ADGRV1: variants seen among roughly 807,000 people sequenced by gnomAD.
ADGRV1 encodes G-protein coupled receptor 98.
A neutral mutation model predicts 596.2 loss-of-function variants in ADGRV1; 359 were observed. The observed-to-expected ratio is 0.60, with a 90% CI of 0.55 to 0.66. The LOEUF is 0.66. Among genes scored for constraint, ADGRV1 ranks in the 30% least tolerant of loss-of-function variants. ADGRV1 has a pLI of 0.00. For synonymous variants in ADGRV1, 2,681 were observed against 2,679.2 expected (o/e 1.00, Z -0.02); for missense variants, 7,274 against 7,575.6 (o/e 0.96, Z 1.48).
In ADGRV1 at chr5:90,805,359, G is replaced by A; in HGVS notation, c.14737G>A (p.Gly4913Ser). The part of the protein sequence containing the change: ...GTSHVMISRR[G>S]TYGALSVAWT... ...AAGCCACGTTATGATTTCTAGGAGA[G>A]GCACATATGGAGCTCTCTCGGTTGC... The change falls in exon 72 of 90, where the codon GGC (glycine) becomes AGC (serine). Residue 4913 changes from glycine (G) to serine (S), a missense_variant. This residue lies in a region of ADGRV1 where 1,874 missense variants were observed against 1,970.2 expected (regional missense o/e 0.95). Transcript: ENST00000405460. The A allele has an allele frequency of 6.2e-7, 1 of 1,612,478 alleles. No homozygotes were observed. The highest frequency in any genetic ancestry group is 8.5e-7 in the Non-Finnish European group (1 of 1,178,748).
intron 86 of ADGRV1, among the ~76,000 whole-genome samples, chr5:91,090,577 C>A (rs911969773): frequency 2.0e-5 from 3 of 151,618 alleles, no homozygotes; most frequent in Admixed American, 1.3e-4. Flanking sequence ...TCCTCTTTAA[C>A]CCTGGAAAAT....
chr5:90,973,166 C>T (rs1199831589), intron 84 of ADGRV1, among the ~76,000 whole-genome samples: 3 of 151,940 alleles, frequency 2.0e-5, no homozygotes, highest in Admixed American at 6.6e-5. Flanking sequence ...AAGTTGAATC[C>T]CTGAATAGAC....
intron 83 of ADGRV1, among the ~76,000 whole-genome samples, chr5:90,900,982 A>G (rs1366078585): frequency 1.3e-5 from 2 of 152,104 alleles, no homozygotes; most frequent in African/African-American, 2.4e-5. Context: ...TTTGTCCTGT[A>G]GAATTTTATT....
chr5:91,036,651 A>G (rs1400942923), intron 85 of ADGRV1, among the ~76,000 whole-genome samples: 1 of 151,902 alleles, frequency 6.6e-6, no homozygotes, highest in East Asian at 1.9e-4. Flanking sequence ...TGAGCCCAGG[A>G]GTTGGAGTCT....
intron 2 of ADGRV1, 56 bp downstream of exon 2, chr5:90,615,075 T>C (rs955280965): frequency 4.3e-6 from 5 of 1,149,464 alleles, no homozygotes; most frequent in Non-Finnish European, 5.9e-6. Context: ...TTTCTTAGTT[T>C]TAATGGCAAG....
intron 7 of ADGRV1, among the ~76,000 whole-genome samples, chr5:90,628,136 C>A (rs1243200269): frequency 6.6e-6 from 1 of 151,450 alleles, no homozygotes; most frequent in Non-Finnish European, 1.5e-5. Flanking sequence ...ACCTGTAATC[C>A]CAGCACTTTG....
At chr5:90,788,952 T>C (rs1190279974) in intron 68 of ADGRV1, among the ~76,000 whole-genome samples, 1 of 150,494 alleles carries the variant, frequency 6.6e-6, no homozygotes, top group Admixed American at 6.6e-5. Context: ...ACTCACATGA[T>C]TGTGAGGGCT....
intron 1 of ADGRV1, among the ~76,000 whole-genome samples, chr5:90,595,756 C>A (rs370922139): frequency 7.1e-5 from 10 of 141,016 alleles, no homozygotes; most frequent in East Asian, 2.3e-4. Flanking sequence ...GCGCCCCTCA[C>A]CTCCCGGACG....
At chr5:90,958,414 C>G (rs1396749201) in intron 83 of ADGRV1, among the ~76,000 whole-genome samples, 2 of 151,528 alleles carry the variant, frequency 1.3e-5, no homozygotes, top group Non-Finnish European at 2.9e-5. Flanking sequence ...CAGCAAACAG[C>G]AAAGTAAGAA....
At chr5:91,129,187 T>TCTA (rs1430225614) in intron 87 of ADGRV1, among the ~76,000 whole-genome samples, 1 of 152,216 alleles carries the variant, frequency 6.6e-6, no homozygotes, top group Non-Finnish European at 1.5e-5. Context: ...TTACTAGAGG[T>TCTA]GTTCATTCTT....
intron 34 of ADGRV1, among the ~76,000 whole-genome samples, chr5:90,700,550 C>T (rs1282296395): frequency 6.6e-6 from 1 of 152,090 alleles, no homozygotes; most frequent in Non-Finnish European, 1.5e-5. Flanking sequence ...TAAATGTGCT[C>T]TTTATAAATC....
chr5:90,610,342 A>C (rs896199954), intron 1 of ADGRV1, among the ~76,000 whole-genome samples: 1 of 152,020 alleles, frequency 6.6e-6, no homozygotes, highest in African/African-American at 2.4e-5. Flanking sequence ...GGGAAACAGC[A>C]ATAGGAATAA....
At chr5:90,909,109 C>T (rs1772602640) in intron 83 of ADGRV1, among the ~76,000 whole-genome samples, 1 of 152,108 alleles carries the variant, frequency 6.6e-6, no homozygotes, top group Admixed American at 6.5e-5. Flanking sequence ...TTGCCTGCTG[C>T]GTTGTTGCTC....
chr5:90,828,294 A>T (rs2150318327), intron 76 of ADGRV1, among the ~76,000 whole-genome samples: 1 of 152,202 alleles, frequency 6.6e-6, no homozygotes, highest in African/African-American at 2.4e-5. Context: ...AAAACACTTT[A>T]AAAATAAAAG....
At chr5:90,855,635 T>G (rs1323173951) in intron 81 of ADGRV1, 106 bp from the exon 82 acceptor site, 1 of 739,226 alleles carries the variant, frequency 1.4e-6, no homozygotes, top group Non-Finnish European at 2.2e-6. Flanking sequence ...ACTTAAGTCT[T>G]GAGCAAAGAA....
At chr5:90,694,750 T>G in intron 33 of ADGRV1, 49 bp downstream of exon 33, 1 of 1,420,816 alleles carries the variant, frequency 7.0e-7, no homozygotes, top group Non-Finnish European at 9.5e-7. Context: ...AAAGTCATCA[T>G]AGTCCATTTT....
At chr5:91,003,826 T>C (rs1173907411) in intron 85 of ADGRV1, among the ~76,000 whole-genome samples, 1 of 152,114 alleles carries the variant, frequency 6.6e-6, no homozygotes, top group Non-Finnish European at 1.5e-5. Flanking sequence ...ACATGTATTC[T>C]TCCCGGTGGA....
At chr5:90,941,402 A>T (rs983139819) in intron 83 of ADGRV1, among the ~76,000 whole-genome samples, 1 of 152,206 alleles carries the variant, frequency 6.6e-6, no homozygotes, top group African/African-American at 2.4e-5. Context: ...AATGAGAATG[A>T]CTTTTAAGAA....
chr5:91,082,878 A>T (rs890527862), intron 86 of ADGRV1, among the ~76,000 whole-genome samples: 4 of 152,148 alleles, frequency 2.6e-5, no homozygotes, highest in Middle Eastern at 3.2e-3. Flanking sequence ...TTCATTATTT[A>T]AAGTTACCTC....
Sources: gnomAD v4.1 joint callset for allele counts (sites outside exome capture counted in the v4.1 genomes callset) on GRCh38, gnomAD v4.1.1 for gene constraint, gnomAD v4.1.1 regional missense constraint, MANE v1.5 for transcripts, NCBI Gene and HGNC (gene_info 2026-07-23, HGNC 2026-07-21) for gene names.